The following TEAD1 variants were observed in gnomAD, a reference collection of about 807,000 sequenced individuals.
TEAD1 encodes transcriptional enhancer factor TEF-1.
TEAD1 carries 9 observed loss-of-function variants against 54.9 expected under a neutral mutation model. The observed-to-expected ratio is 0.16, with a 90% CI of 0.10 to 0.29. The LOEUF is 0.29. Among genes scored for constraint, TEAD1 ranks in the 10% least tolerant of loss-of-function variants. TEAD1 has a pLI of 1.00. For missense variants in TEAD1, 387 were observed against 535.9 expected (o/e 0.72, Z 2.74); for synonymous variants, 200 against 187.8 (o/e 1.07, Z -0.53).
In TEAD1 at chr11:12,683,280, G is replaced by A. The variant is rs113410496; in HGVS notation, c.-55+7719G>A. On this transcript the variant is annotated intron_variant, in intron 2 of 12. Coordinates refer to ENST00000527636, the MANE Select transcript of TEAD1 (RefSeq NM_021961.6). ...AAATAAAATCCTGCTGCATCTTATC[G>A]GCAGTCATGTCTTAGGGTTAGTGAA... 5.9e-5 allele frequency among the ~76,000 whole-genome samples: 9 copies of A among 152,224 alleles called. No individual in the cohort carries two copies. In the East Asian group the frequency reaches 9.6e-4, roughly 16 times the overall value.
intron 9 of TEAD1, among the ~76,000 whole-genome samples, chr11:12,896,152 A>T (rs913939786): frequency 1.3e-5 from 2 of 152,252 alleles, no homozygotes; most frequent in South Asian, 4.1e-4. Flanking sequence ...TCTGGGGTGT[A>T]TGGTTGTCTT....
chr11:12,675,235 C>A (rs867841361), intron 1 of TEAD1, among the ~76,000 whole-genome samples, 174 bp from the exon 2 acceptor site: 1 of 151,816 alleles, frequency 6.6e-6, no homozygotes, highest in East Asian at 1.9e-4. Context: ...GCGGGCAGAG[C>A]CGCCGCCTCG....
chr11:12,880,526 C>T (rs1407725646), intron 6 of TEAD1, among the ~76,000 whole-genome samples: 5 of 152,168 alleles, frequency 3.3e-5, no homozygotes, highest in Admixed American at 6.5e-5. Flanking sequence ...CCACACCAAT[C>T]GCAGCAGGGA....
At chr11:12,894,949 C>G (rs1948280699) in intron 9 of TEAD1, among the ~76,000 whole-genome samples, 1 of 152,180 alleles carries the variant, frequency 6.6e-6, no homozygotes, top group Non-Finnish European at 1.5e-5. Context: ...TATAGTTCTA[C>G]TAAGTATACA....
chr11:12,864,616 T>C (rs1947576680), intron 4 of TEAD1: 1 of 1,251,324 alleles, frequency 8.0e-7, no homozygotes, highest in South Asian at 1.6e-5. Context: ...TTTGATTTCC[T>C]TTTTTGTTTT....
chr11:12,909,577 G>C (rs1054412355), intron 10 of TEAD1, among the ~76,000 whole-genome samples: 1 of 152,078 alleles, frequency 6.6e-6, no homozygotes, highest in Non-Finnish European at 1.5e-5. Context: ...AGGTGCCACA[G>C]ACCACCATGG....
chr11:12,840,163 C>T (rs182347088), intron 3 of TEAD1, among the ~76,000 whole-genome samples: 263 of 148,764 alleles, frequency 1.8e-3, no homozygotes, highest in African/African-American at 5.8e-3. Flanking sequence ...AGAAGAATGG[C>T]GTGAACCCGG....
intron 3 of TEAD1, among the ~76,000 whole-genome samples, chr11:12,765,167 C>T (rs541022433): frequency 2.0e-5 from 3 of 152,250 alleles, no homozygotes; most frequent in South Asian, 4.2e-4. Context: ...CTATTTGGCT[C>T]TGGATGCCTA....
intron 2 of TEAD1, among the ~76,000 whole-genome samples, chr11:12,696,520 C>T (rs1943586389): frequency 6.6e-6 from 1 of 152,206 alleles, no homozygotes; most frequent in South Asian, 2.1e-4. Flanking sequence ...AGGGAATAGT[C>T]TCATTTCCTG....
chr11:12,803,233 G>T (rs945132717), intron 3 of TEAD1, among the ~76,000 whole-genome samples: 1 of 151,620 alleles, frequency 6.6e-6, no homozygotes, highest in Non-Finnish European at 1.5e-5. Flanking sequence ...ACATTTCCAT[G>T]ATTAGTCATC....
intron 3 of TEAD1, among the ~76,000 whole-genome samples, chr11:12,800,436 C>T (rs1946030648): frequency 6.6e-6 from 1 of 152,202 alleles, no homozygotes; most frequent in Non-Finnish European, 1.5e-5. Context: ...GATAAGGCTT[C>T]TGCTCTTGGA....
chr11:12,761,290 TAGC>T (rs1395507075), intron 2 of TEAD1, among the ~76,000 whole-genome samples: 3 of 152,204 alleles, frequency 2.0e-5, no homozygotes, highest in African/African-American at 4.8e-5. Flanking sequence ...GCAGTTCAAG[TAGC>T]AGAAATTTTT....
chr11:12,797,656 G>T (rs954223047), intron 3 of TEAD1, among the ~76,000 whole-genome samples: 1 of 151,462 alleles, frequency 6.6e-6, no homozygotes, highest in Non-Finnish European at 1.5e-5. Context: ...TTTTGTAGGG[G>T]TTTCCTCCAC....
chr11:12,704,214 A>C lies in TEAD1; in HGVS notation c.-55+28653A>C, dbSNP rs1038693490. ...GTATTAGACAAGCCTTCTGCCAAGC[A>C]CAGGAAGAATGCATCTTAGCCGTTC... On this transcript the variant is annotated intron_variant, in intron 2 of 12. Coordinates refer to ENST00000527636, the MANE Select transcript of TEAD1 (RefSeq NM_021961.6). Among the ~76,000 whole-genome samples the C allele has an allele frequency of 6.6e-5, 10 of 152,306 alleles. No individual in the cohort carries two copies. The South Asian group carries it at 2.1e-3, about 32-fold the overall frequency.
chr11:12,943,220 A>G lies in TEAD1; in HGVS notation c.*5998A>G, dbSNP rs1238075828. The G allele has an allele frequency of 6.6e-6, 1 of 152,402 alleles. No individual in the cohort carries two copies. The highest frequency in any genetic ancestry group is 1.9e-4 in the East Asian group (1 of 5,184). 9.4% of individuals were successfully genotyped at this position (152,402 alleles called of 1,614,324 possible). A position where few individuals can be genotyped will look rare whatever the true frequency, so the allele number is the denominator to read the frequency against. On this transcript the variant is annotated 3_prime_UTR_variant, in exon 13 of 13. Coordinates refer to ENST00000527636, the MANE Select transcript of TEAD1 (RefSeq NM_021961.6). The stretch of plus-strand genomic sequence containing the variant: ...ACAAAAACTATCAAATGAAAAGAAA[A>G]TGTACTCAACCTAACTTATAGTTAG...
intron 3 of TEAD1, among the ~76,000 whole-genome samples, chr11:12,798,265 C>T (rs545331257): frequency 2.6e-5 from 4 of 152,172 alleles, no homozygotes; most frequent in Non-Finnish European, 4.4e-5. Flanking sequence ...TCCAGTTCCA[C>T]CCCCATCAGT....
intron 2 of TEAD1, among the ~76,000 whole-genome samples, chr11:12,741,312 T>A (rs1944645558): frequency 6.6e-6 from 1 of 152,202 alleles, no homozygotes; most frequent in Non-Finnish European, 1.5e-5. Flanking sequence ...TTTCTGCTCA[T>A]AATTTTTGTC....
intron 2 of TEAD1, among the ~76,000 whole-genome samples, chr11:12,718,345 C>A (rs902929032): frequency 7.2e-5 from 11 of 152,116 alleles, no homozygotes; most frequent in Non-Finnish European, 1.3e-4. Flanking sequence ...GTCCCCCGGC[C>A]CCTCACAGGA....
At chr11:12,928,853 A>G (rs901732902) in intron 11 of TEAD1, among the ~76,000 whole-genome samples, 1 of 152,210 alleles carries the variant, frequency 6.6e-6, no homozygotes, top group African/African-American at 2.4e-5. Flanking sequence ...TACCTCACAT[A>G]GCTTACCAAT....
Sources: allele counts gnomAD v4.1 joint callset (sites outside exome capture counted in the v4.1 genomes callset), GRCh38; gene constraint gnomAD v4.1.1; transcripts MANE v1.5; gene names NCBI Gene and HGNC (gene_info 2026-07-23, HGNC 2026-07-21).